The following MLIP variants were observed in gnomAD, a reference collection of about 807,000 sequenced individuals.
MLIP encodes the protein muscular LMNA interacting protein, also known as muscular LMNA-interacting protein.
MLIP carries 79 observed loss-of-function variants against 84.8 expected under a neutral mutation model. The ratio of observed to expected loss-of-function variants is 0.93; its 90% CI spans 0.78 to 1.12. The LOEUF (loss-of-function observed/expected upper bound fraction) is 1.12, where lower values mean the gene tolerates loss of function less well. Among genes scored for constraint, MLIP ranks in the 50% most tolerant of loss-of-function variants. The pLI is 0.00. For synonymous variants in MLIP, 504 were observed against 463.0 expected (o/e 1.09, Z -1.14); for missense variants, 1,257 against 1,160.6 (o/e 1.08, Z -1.21).
chr6:54,217,873 T>C (rs1453356478), intron 11 of MLIP: 1 of 985,244 alleles, frequency 1.0e-6, no homozygotes, highest in African/African-American at 1.7e-5. Flanking sequence ...AGAGTGATGT[T>C]CATTTTCAAG....
chr6:54,169,595 A>G (rs961551997), intron 9 of MLIP, 23 bp downstream of exon 9: 1 of 1,549,116 alleles, frequency 6.5e-7, no homozygotes. Context: ...ATAATTATAC[A>G]CACTGCTTTT....
intron 3 of MLIP, among the ~76,000 whole-genome samples, chr6:54,130,307 C>G (rs1344095544): frequency 6.6e-6 from 1 of 152,132 alleles, no homozygotes; most frequent in Non-Finnish European, 1.5e-5. Context: ...AGAAGAGAGT[C>G]TCCTGACTTG....
intron 1 of MLIP, among the ~76,000 whole-genome samples, chr6:54,099,042 AT>A (rs2150385374): frequency 6.6e-6 from 1 of 152,306 alleles, no homozygotes; most frequent in East Asian, 1.9e-4. Flanking sequence ...AAAAATCCAC[AT>A]TTATTCTTCT....
chr6:54,222,127 C>A (rs1254131218), intron 11 of MLIP, among the ~76,000 whole-genome samples: 1 of 151,896 alleles, frequency 6.6e-6, no homozygotes, highest in Non-Finnish European at 1.5e-5. Flanking sequence ...CGTTTTGATA[C>A]ATGTATGTAT....
chr6:54,251,134 T>C (rs1782449089), intron 12 of MLIP, among the ~76,000 whole-genome samples: 1 of 151,870 alleles, frequency 6.6e-6, no homozygotes, highest in South Asian at 2.1e-4. Context: ...TCTGAATTGA[T>C]TAGGACATTT....
Position 54,119,109 on chromosome 6 carries a change from A to G in MLIP, c.97-2338A>G, listed in dbSNP as rs79895587. 6.0e-4 allele frequency among the ~76,000 whole-genome samples: 92 copies of G among 152,360 alleles called. No homozygotes were observed. In the East Asian group the frequency reaches 7.7e-3, roughly 13 times the overall value. On this transcript the variant is annotated intron_variant, in intron 1 of 13. Coordinates refer to ENST00000502396, the MANE Select transcript of MLIP (RefSeq NM_001281747.2). ...CATTGGTGAGAGTGTTCATTGGTAC[A>G]TTCATTGTGGAAACGGTATGGAGGT... is the stretch of plus-strand genomic sequence containing the variant.
chr6:54,185,829 A>G (rs2792636), intron 9 of MLIP, among the ~76,000 whole-genome samples: 124,312 of 152,146 alleles, frequency 0.82, 52,778 homozygotes, highest in Non-Finnish European at 0.94. Flanking sequence ...AATCATTATT[A>G]TTACCTATAT....
intron 11 of MLIP, among the ~76,000 whole-genome samples, chr6:54,222,620 TTACCTGTCAA>T (rs1397065637): frequency 6.6e-6 from 1 of 152,084 alleles, no homozygotes; most frequent in Non-Finnish European, 1.5e-5. Flanking sequence ...CTTTATCCAC[TTACCTGTCAA>T]TACACATCTA....
intron 1 of MLIP, 73 bp downstream of exon 1, chr6:54,111,648 C>T (rs1056485357): frequency 3.4e-6 from 5 of 1,456,716 alleles, no homozygotes; most frequent in East Asian, 2.5e-5. Flanking sequence ...GTATTTGCTG[C>T]AAGGATGTGA....
chr6:54,171,105 C>G (rs1223583718), intron 9 of MLIP, among the ~76,000 whole-genome samples: 1 of 151,526 alleles, frequency 6.6e-6, no homozygotes, highest in African/African-American at 2.4e-5. Flanking sequence ...ATCCATTCCT[C>G]TCTGGGAGGG....
At chr6:54,190,357 A>G (rs966419856) in intron 10 of MLIP, among the ~76,000 whole-genome samples, 2 of 152,232 alleles carry the variant, frequency 1.3e-5, no homozygotes, top group Non-Finnish European at 2.9e-5. Flanking sequence ...AGCAATACAA[A>G]CACAACGTGA....
At chr6:54,095,230 C>T (rs1220886011) in intron 1 of MLIP, among the ~76,000 whole-genome samples, 2 of 152,082 alleles carry the variant, frequency 1.3e-5, no homozygotes, top group Non-Finnish European at 2.9e-5. Context: ...AGCGAACTCA[C>T]CTTGTGATTA....
At position 54,101,456 on chromosome 6, in the gene MLIP, CT is replaced by C. The variant is rs926072724; in HGVS notation, c.64-19987del. Among the ~76,000 whole-genome samples the C allele has an allele frequency of 4.8e-4, 73 of 152,142 alleles. 1 individual carries two copies. The highest frequency in any genetic ancestry group is 1.6e-3 in the African/African-American group (67 of 41,528). ...ACATCCATCTTATGAGGTTCAGATG[CT>C]TTTATTATGCCCCTTTTATAAAAAT... On this transcript the variant is annotated intron_variant, in intron 1 of 12. Coordinates refer to the MLIP transcript ENST00000274897.
intron 1 of MLIP, among the ~76,000 whole-genome samples, chr6:54,101,878 C>T (rs957504835): frequency 3.3e-5 from 5 of 152,056 alleles, no homozygotes; most frequent in Non-Finnish European, 7.4e-5. Flanking sequence ...AAGAGAATAA[C>T]AGCTTTGAAC....
At chr6:54,186,281 A>G (rs1777384592) in intron 9 of MLIP, among the ~76,000 whole-genome samples, 1 of 152,228 alleles carries the variant, frequency 6.6e-6, no homozygotes. Context: ...TTTTAGGAAC[A>G]TAACTTATTG....
chr6:54,152,413 C>G (rs1773545736), intron 5 of MLIP, among the ~76,000 whole-genome samples: 1 of 152,116 alleles, frequency 6.6e-6, no homozygotes. Context: ...ATTGGACTTA[C>G]AGTTCCACAT....
intron 1 of MLIP, among the ~76,000 whole-genome samples, chr6:54,051,914 T>G (rs1263955510): frequency 2.0e-5 from 3 of 152,168 alleles, no homozygotes; most frequent in Admixed American, 6.5e-5. Flanking sequence ...AATTGCCTTT[T>G]AAAAATGGGA....
At chr6:54,172,343 C>G (rs1775852449) in intron 9 of MLIP, among the ~76,000 whole-genome samples, 1 of 151,610 alleles carries the variant, frequency 6.6e-6, no homozygotes, top group Non-Finnish European at 1.5e-5. Flanking sequence ...CAGTTTTCCA[C>G]CTCTATTCAT....
At chr6:54,158,277 A>T (rs978534193) in intron 5 of MLIP, among the ~76,000 whole-genome samples, 6 of 152,140 alleles carry the variant, frequency 3.9e-5, no homozygotes, top group Non-Finnish European at 8.8e-5. Flanking sequence ...TCTAAATAAG[A>T]GGAGAAGGGA....
Sources: gnomAD v4.1 joint callset for allele counts (sites outside exome capture counted in the v4.1 genomes callset) on GRCh38, gnomAD v4.1.1 for gene constraint, MANE v1.5 for transcripts, NCBI Gene and HGNC (gene_info 2026-07-23, HGNC 2026-07-21) for gene names.